Variants in ULK4 observed in about 807,000 individuals in gnomAD.
The protein encoded by ULK4 is unc-51 like kinase 4.
A neutral mutation model predicts 160.6 loss-of-function variants in ULK4; 133 were observed. The observed-to-expected ratio is 0.83, with a 90% CI of 0.72 to 0.96. ULK4 has a LOEUF of 0.96. Among genes scored for constraint, ULK4 ranks in the 40% least tolerant of loss-of-function variants. The probability of loss-of-function intolerance (pLI) is 0.00; values close to 1 mark genes in which losing one functional copy is unlikely to be tolerated. For missense variants in ULK4, 1,580 were observed against 1,499.5 expected, an observed-to-expected ratio of 1.05 and a Z score of -0.89; for synonymous variants, 534 against 539.8, an observed-to-expected ratio of 0.99 and a Z score of 0.15.
intron 21 of ULK4, among the ~76,000 whole-genome samples, chr3:41,764,956 G>C (rs1415839923): frequency 5.9e-5 from 9 of 152,170 alleles, no homozygotes; most frequent in Non-Finnish European, 1.2e-4. Context: ...TACACTGTTG[G>C]TGGGACTGTC....
rs145538659 is a variant in ULK4, at chr3:41,376,755, T to C, written c.3678+21324A>G. ...CAAACAAATGGAAGAACACTCCATG[T>C]TCATGGGAAGGAAGAATCAATATCG... On this transcript the variant is annotated intron_variant, in intron 35 of 36. Transcript: ENST00000301831. 6.8e-3 allele frequency among the ~76,000 whole-genome samples: 1,015 copies of C among 150,210 alleles called. 51 individuals are homozygous for C. Among genetic ancestry groups the C allele is most frequent in the East Asian group, 0.016 (76 of 4,808 alleles).
At chr3:41,866,756 TG>T (rs1212480425) in intron 17 of ULK4, among the ~76,000 whole-genome samples, 1 of 132,300 alleles carries the variant, frequency 7.6e-6, no homozygotes, top group Admixed American at 6.9e-5. Flanking sequence ...CATCTAAGCC[TG>T]GAACTGTTAT....
chr3:41,630,169 T>C (rs901991995), intron 30 of ULK4, among the ~76,000 whole-genome samples: 22 of 152,174 alleles, frequency 1.4e-4, no homozygotes, highest in Admixed American at 1.3e-3. Flanking sequence ...ATTACTCCAA[T>C]GTCCTACAGG....
intron 17 of ULK4, among the ~76,000 whole-genome samples, chr3:41,866,574 T>C (rs1696894368): frequency 6.6e-6 from 1 of 152,208 alleles, no homozygotes; most frequent in Non-Finnish European, 1.5e-5. Context: ...CAGGCAGTAA[T>C]GCTCACTGGC....
intron 35 of ULK4, among the ~76,000 whole-genome samples, chr3:41,298,621 C>G (rs193146213): frequency 2.0e-5 from 3 of 152,290 alleles, no homozygotes; most frequent in Admixed American, 2.0e-4. Context: ...CACTTAACAA[C>G]CACACTCTCC....
intron 31 of ULK4, among the ~76,000 whole-genome samples, chr3:41,612,228 T>C (rs762319280): frequency 6.6e-6 from 1 of 152,084 alleles, no homozygotes; most frequent in African/African-American, 2.4e-5. Flanking sequence ...CAAGTATACT[T>C]AGCATTGAGT....
intron 34 of ULK4, among the ~76,000 whole-genome samples, chr3:41,439,909 G>C (rs1378686209): frequency 6.6e-6 from 1 of 152,080 alleles, no homozygotes; most frequent in Admixed American, 6.5e-5. Flanking sequence ...TCTAAGCAAT[G>C]TTTTGTGGTT....
At chr3:41,752,056 A>C (rs901428625) in intron 22 of ULK4, among the ~76,000 whole-genome samples, 4 of 152,232 alleles carry the variant, frequency 2.6e-5, no homozygotes, top group African/African-American at 9.6e-5. Context: ...GAGGAGTCCA[A>C]GCAGGGAAGA....
chr3:41,432,902 C>A (rs1308450242), intron 34 of ULK4, among the ~76,000 whole-genome samples: 10 of 150,076 alleles, frequency 6.7e-5, no homozygotes, highest in African/African-American at 9.8e-5. Flanking sequence ...AAAAAAAAAA[C>A]CATGGAAGTA....
chr3:41,498,492 T>C (rs375970302), intron 32 of ULK4, among the ~76,000 whole-genome samples: 48 of 151,090 alleles, frequency 3.2e-4, no homozygotes, highest in Non-Finnish European at 5.6e-4. Context: ...CCAAAGTAAA[T>C]AGAAGATATG....
At chr3:41,681,894 C>T (rs918361139) in intron 27 of ULK4, 90 bp from the exon 28 acceptor site, 16 of 1,441,776 alleles carry the variant, frequency 1.1e-5, no homozygotes, top group Non-Finnish European at 1.5e-5. Flanking sequence ...GACAGAATCC[C>T]TAATCAAAGG....
chr3:41,873,797 C>A (rs1252113061), intron 17 of ULK4, among the ~76,000 whole-genome samples: 1 of 152,012 alleles, frequency 6.6e-6, no homozygotes, highest in Admixed American at 6.6e-5. Flanking sequence ...AGGTGATCCA[C>A]CTGCCTCAGC....
At chr3:41,796,769 T>A (rs907965838) in intron 20 of ULK4, among the ~76,000 whole-genome samples, 6 of 152,156 alleles carry the variant, frequency 3.9e-5, no homozygotes, top group African/African-American at 7.2e-5. Flanking sequence ...GAAGCAACAA[T>A]GACACCACCC....
intron 19 of ULK4, among the ~76,000 whole-genome samples, chr3:41,803,338 T>C (rs986397601): frequency 5.9e-5 from 9 of 152,108 alleles, no homozygotes; most frequent in African/African-American, 2.2e-4. Context: ...AGTTAGACCA[T>C]GTTCAGGGCC....
At position 41,641,504 on chromosome 3, in the gene ULK4, C is replaced by G. The variant is rs763571433; in HGVS notation, c.3071+22103G>C. Among the ~76,000 whole-genome samples, 62 of 152,234 alleles carry G rather than the reference C, an allele frequency of 4.1e-4. No individual in the cohort carries two copies. The Middle Eastern group carries it at 0.01, about 25-fold the overall frequency. On this transcript the variant is annotated intron_variant, in intron 30 of 36. Coordinates refer to ENST00000301831, the MANE Select transcript of ULK4 (RefSeq NM_017886.4). ...TTGAGCCCAGGAGTTCAAGACCACT[C>G]TGGGCAACACAGGGAGACCCCATCA... is the stretch of plus-strand genomic sequence containing the variant.
At chr3:41,345,592 T>C (rs1039955412) in intron 35 of ULK4, among the ~76,000 whole-genome samples, 18 of 152,044 alleles carry the variant, frequency 1.2e-4, no homozygotes, top group Non-Finnish European at 1.5e-4. Flanking sequence ...TATGGACACA[T>C]AGTGGGGAAC....
At chr3:41,417,744 C>G (rs1308958393) in intron 34 of ULK4, among the ~76,000 whole-genome samples, 3 of 152,182 alleles carry the variant, frequency 2.0e-5, no homozygotes, top group Non-Finnish European at 4.4e-5. Flanking sequence ...CTTCTGTTCG[C>G]TTCTCACTGG....
At chr3:41,943,076 G>A (rs1355914750) in intron 2 of ULK4, among the ~76,000 whole-genome samples, 1 of 151,936 alleles carries the variant, frequency 6.6e-6, no homozygotes, top group Non-Finnish European at 1.5e-5. Context: ...AGCCGGGCAT[G>A]GTGGTGGGCA....
At chr3:41,650,384 G>A (rs915879285) in intron 30 of ULK4, among the ~76,000 whole-genome samples, 2 of 152,220 alleles carry the variant, frequency 1.3e-5, no homozygotes, top group Non-Finnish European at 2.9e-5. Context: ...AGACCTAGGG[G>A]CTTCCTGAGC....
Sources: allele counts gnomAD v4.1 joint callset (sites outside exome capture counted in the v4.1 genomes callset), GRCh38; gene constraint gnomAD v4.1.1; transcripts MANE v1.5; gene names NCBI Gene and HGNC (gene_info 2026-07-23, HGNC 2026-07-21).